The following SLC24A2 variants were observed in gnomAD, a reference collection of about 807,000 sequenced individuals.
SLC24A2 encodes the protein sodium/potassium/calcium exchanger 2.
In SLC24A2, 36 loss-of-function variants were observed where a neutral mutation model predicts 62.0. That is an observed-to-expected ratio of 0.58 (90% CI 0.44 to 0.77). SLC24A2 has a LOEUF of 0.77. SLC24A2 is among the 30% of genes least tolerant of loss of function. The pLI is 0.00. For synonymous variants in SLC24A2, 358 were observed against 294.0 expected (o/e 1.22, Z -2.23); for missense variants, 846 against 817.9 (o/e 1.03, Z -0.42).
chr9:19,914,336 T>G, the SLC24A2 span, among the ~76,000 whole-genome samples: 1 of 149,952 alleles, frequency 6.7e-6, no homozygotes, highest in Non-Finnish European at 1.5e-5. Context: ...CCTAAACATG[T>G]CCACTGGCTT....
At chr9:19,707,101 A>C (rs1241799882) in intron 2 of SLC24A2, among the ~76,000 whole-genome samples, 5 of 151,758 alleles carry the variant, frequency 3.3e-5, no homozygotes, top group African/African-American at 1.2e-4. Context: ...AGAAATACAA[A>C]CTACCATCAG....
chr9:19,592,854 A>G (rs755640883), intron 5 of SLC24A2, among the ~76,000 whole-genome samples: 1 of 152,248 alleles, frequency 6.6e-6, no homozygotes, highest in South Asian at 2.1e-4. Flanking sequence ...AAAAATATGC[A>G]GTATCACTGT....
the SLC24A2 span, among the ~76,000 whole-genome samples, chr9:20,230,852 T>A: frequency 6.6e-6 from 1 of 152,286 alleles, no homozygotes; most frequent in Admixed American, 6.5e-5. Context: ...TCTTCTAGGG[T>A]TTTTATGGTT....
intron 7 of SLC24A2, among the ~76,000 whole-genome samples, chr9:19,562,152 G>T (rs1424714748): frequency 1.3e-5 from 2 of 152,134 alleles, no homozygotes; most frequent in Non-Finnish European, 2.9e-5. Context: ...TAGTAAATTG[G>T]TTTTTGTTGT....
At chr9:19,810,484 A>G in the SLC24A2 span, among the ~76,000 whole-genome samples, 1 of 152,258 alleles carries the variant, frequency 6.6e-6, no homozygotes, top group Non-Finnish European at 1.5e-5. Flanking sequence ...TATCAGGAAC[A>G]TGAAGAACTG....
the SLC24A2 span, among the ~76,000 whole-genome samples, chr9:20,141,510 T>C: frequency 3.1e-3 from 476 of 152,202 alleles, 1 homozygote; most frequent in Middle Eastern, 0.01. Context: ...AAGAGTCTTC[T>C]GCTACCAGCT....
intron 2 of SLC24A2, among the ~76,000 whole-genome samples, chr9:19,664,505 A>G (rs1386437216): frequency 6.6e-6 from 1 of 152,244 alleles, no homozygotes; most frequent in African/African-American, 2.4e-5. Flanking sequence ...AAGGTTTGAA[A>G]GTGCAAAGTT....
the SLC24A2 span, among the ~76,000 whole-genome samples, chr9:20,185,481 C>A: frequency 6.6e-6 from 1 of 151,914 alleles, no homozygotes; most frequent in Admixed American, 6.5e-5. Flanking sequence ...CTGGCTAACA[C>A]GGTGAAACCC....
chr9:19,891,006 C>T, the SLC24A2 span, among the ~76,000 whole-genome samples: 3 of 152,218 alleles, frequency 2.0e-5, no homozygotes, highest in Non-Finnish European at 4.4e-5. Flanking sequence ...CTGATCATCT[C>T]CTACCCTAAT....
chr9:19,714,800 T>A (rs1197687009), intron 2 of SLC24A2, among the ~76,000 whole-genome samples: 1 of 152,186 alleles, frequency 6.6e-6, no homozygotes, highest in Non-Finnish European at 1.5e-5. Context: ...TTAGCAAGTA[T>A]CCTGAATACA....
chr9:20,185,661 T>A, the SLC24A2 span, among the ~76,000 whole-genome samples: 4 of 129,274 alleles, frequency 3.1e-5, no homozygotes, highest in Non-Finnish European at 6.5e-5. Flanking sequence ...CGAGACTCCA[T>A]CTCAAAAAAA....
chr9:20,082,830 A>G, the SLC24A2 span, among the ~76,000 whole-genome samples: 1 of 152,246 alleles, frequency 6.6e-6, no homozygotes, highest in Non-Finnish European at 1.5e-5. Flanking sequence ...GGAAAAAGAA[A>G]AACAAACAAC....
At chr9:19,981,963 G>C in the SLC24A2 span, among the ~76,000 whole-genome samples, 1 of 152,160 alleles carries the variant, frequency 6.6e-6, no homozygotes, top group Admixed American at 6.6e-5. Context: ...CATCAGTGGA[G>C]GAGGGAGAAC....
At chr9:20,080,290 T>A in the SLC24A2 span, among the ~76,000 whole-genome samples, 42 of 152,268 alleles carry the variant, frequency 2.8e-4, no homozygotes, top group African/African-American at 1.0e-3. Flanking sequence ...TATAGACCAA[T>A]GGAACAGAAC....
chr9:20,254,101 C>A, the SLC24A2 span, among the ~76,000 whole-genome samples: 1 of 152,136 alleles, frequency 6.6e-6, no homozygotes, highest in Admixed American at 6.5e-5. Context: ...GAATTCAGAC[C>A]TGCTTTCAAA....
At chr9:19,519,658 G>A (rs920767671) in intron 10 of SLC24A2, among the ~76,000 whole-genome samples, 1 of 152,160 alleles carries the variant, frequency 6.6e-6, no homozygotes, top group Admixed American at 6.5e-5. Context: ...CTCTTGGGAT[G>A]CACAGTCTAG....
chr9:20,113,604 T>A, the SLC24A2 span, among the ~76,000 whole-genome samples: 19 of 152,344 alleles, frequency 1.2e-4, no homozygotes, highest in African/African-American at 4.6e-4. Context: ...TATAAAAATT[T>A]GTAAAATATG....
chr9:19,971,499 G>T, the SLC24A2 span, among the ~76,000 whole-genome samples: 1 of 152,180 alleles, frequency 6.6e-6, no homozygotes, highest in Admixed American at 6.6e-5. Context: ...CCACTTCCAG[G>T]CAGGGGAAGG....
chr9:19,575,407 G>T (rs1232750028), intron 6 of SLC24A2, among the ~76,000 whole-genome samples: 1 of 152,204 alleles, frequency 6.6e-6, no homozygotes, highest in Non-Finnish European at 1.5e-5. Flanking sequence ...GGTAAAAGGG[G>T]AGTTAACATG....
Sources: gnomAD v4.1 joint callset for allele counts (sites outside exome capture counted in the v4.1 genomes callset) on GRCh38, gnomAD v4.1.1 for gene constraint, MANE v1.5 for transcripts, NCBI Gene and HGNC (gene_info 2026-07-23, HGNC 2026-07-21) for gene names.